Variants in AGBL1 observed in about 807,000 individuals in gnomAD.
AGBL1 encodes the protein cytosolic carboxypeptidase 4.
Under a neutral mutation model 118.9 loss-of-function variants are expected in AGBL1, and 130 were observed. The observed-to-expected ratio is 1.09, with a 90% CI of 0.95 to 1.26. AGBL1 has a LOEUF of 1.26. Among genes scored for constraint, AGBL1 ranks in the 50% most tolerant of loss-of-function variants. The probability of loss-of-function intolerance (pLI) is 0.00; values close to 1 mark genes in which losing one functional copy is unlikely to be tolerated. For synonymous variants in AGBL1, 555 were observed against 478.9 expected, an observed-to-expected ratio of 1.16 and a Z score of -2.08; for missense variants, 1,584 against 1,298.1, an observed-to-expected ratio of 1.22 and a Z score of -3.38.
chr15:86,232,661 G>C (rs891064448), intron 6 of AGBL1, among the ~76,000 whole-genome samples: 1 of 152,144 alleles, frequency 6.6e-6, no homozygotes, highest in East Asian at 1.9e-4. Flanking sequence ...GAGGGCAGGA[G>C]CACCCGGAGC....
chr15:86,400,490 GT>G (rs11412401), intron 18 of AGBL1, among the ~76,000 whole-genome samples: 6,546 of 143,188 alleles, frequency 0.046, 212 homozygotes, highest in East Asian at 0.16. Flanking sequence ...GGGGGAACAG[GT>G]TTTTTTTTTT....
intron 22 of AGBL1, among the ~76,000 whole-genome samples, chr15:86,815,354 T>C (rs1020242288): frequency 2.6e-5 from 4 of 152,162 alleles, no homozygotes; most frequent in Admixed American, 6.6e-5. Flanking sequence ...ATTTATAGGG[T>C]CCACCACCAA....
At chr15:86,584,875 T>C (rs2084223702) in intron 21 of AGBL1, among the ~76,000 whole-genome samples, 1 of 152,238 alleles carries the variant, frequency 6.6e-6, no homozygotes, top group South Asian at 2.1e-4. Context: ...TGTTTTGTAG[T>C]TCTCCTTATA....
At chr15:86,141,298 A>C (rs1215759882) in intron 1 of AGBL1, among the ~76,000 whole-genome samples, 2 of 152,216 alleles carry the variant, frequency 1.3e-5, no homozygotes, top group African/African-American at 4.8e-5. Context: ...CATTCTTGTC[A>C]GTCAGGGAAG....
intron 23 of AGBL1, among the ~76,000 whole-genome samples, chr15:86,954,223 A>T (rs1243772841): frequency 6.6e-6 from 1 of 152,214 alleles, no homozygotes; most frequent in African/African-American, 2.4e-5. Context: ...CAACCACTAT[A>T]GAAAGCAGTT....
At chr15:86,492,835 C>T (rs139589801) in intron 18 of AGBL1, among the ~76,000 whole-genome samples, 111 of 152,026 alleles carry the variant, frequency 7.3e-4, no homozygotes, top group African/African-American at 2.2e-3. Context: ...AGTGGAGATG[C>T]GGTAGGACTA....
At chr15:86,098,081 A>T (rs1896491641) in intron 1 of AGBL1, among the ~76,000 whole-genome samples, 3 of 151,900 alleles carry the variant, frequency 2.0e-5, no homozygotes, top group Admixed American at 2.0e-4. Context: ...ATGCTGAGTA[A>T]TTTTTCATAT....
intron 22 of AGBL1, among the ~76,000 whole-genome samples, chr15:86,891,626 A>C (rs1207920386): frequency 6.6e-6 from 1 of 152,000 alleles, no homozygotes; most frequent in Non-Finnish European, 1.5e-5. Flanking sequence ...TGAATGCTGA[A>C]ACAATAGTAG....
At chr15:86,222,108 G>A (rs2078289731) in intron 5 of AGBL1, among the ~76,000 whole-genome samples, 1 of 151,930 alleles carries the variant, frequency 6.6e-6, no homozygotes, top group Admixed American at 6.6e-5. Flanking sequence ...TGTCTTCCTG[G>A]GGCAGCCCTC....
chr15:86,162,426 T>C (rs550928256), intron 5 of AGBL1, among the ~76,000 whole-genome samples: 1 of 152,244 alleles, frequency 6.6e-6, no homozygotes, highest in South Asian at 2.1e-4. Flanking sequence ...TGTCTCCAGA[T>C]AGTACTCAGG....
intron 2 of AGBL1, among the ~76,000 whole-genome samples, chr15:86,142,449 C>T (rs2076976715): frequency 6.6e-6 from 1 of 152,150 alleles, no homozygotes; most frequent in African/African-American, 2.4e-5. Flanking sequence ...AGCATGTAAG[C>T]ATCACGTTTT....
intron 22 of AGBL1, among the ~76,000 whole-genome samples, chr15:86,817,556 GGAGA>G (rs1289786556): frequency 1.0e-5 from 1 of 95,254 alleles, no homozygotes; most frequent in Non-Finnish European, 2.1e-5. Context: ...GACACACAGA[GGAGA>G]GAGAGAAAGA....
rs181231931 is a variant in AGBL1, at chr15:86,670,375, A to G, written c.2995-3898A>G. ...TCTCAGCACTTTGGGAGGCTGAGGC[A>G]GGCAGATCACCTGAGGTCAGGAGTT... On this transcript the variant is annotated intron_variant, in intron 21 of 22. Coordinates refer to ENST00000614907, the MANE Select transcript of AGBL1 (RefSeq NM_001386094.1). 6.7e-3 allele frequency among the ~76,000 whole-genome samples: 1,016 copies of G among 152,040 alleles called. 8 individuals carry two copies. Among genetic ancestry groups the G allele is most frequent in the East Asian group, 0.021 (106 of 5,112 alleles).
intron 22 of AGBL1, among the ~76,000 whole-genome samples, chr15:86,898,290 G>A (rs907487201): frequency 1.3e-5 from 2 of 152,096 alleles, no homozygotes; most frequent in African/African-American, 4.8e-5. Flanking sequence ...CCTGTGTCCA[G>A]GATGGTATTA....
At chr15:86,447,889 A>G (rs1449565356) in intron 18 of AGBL1, among the ~76,000 whole-genome samples, 1 of 152,250 alleles carries the variant, frequency 6.6e-6, no homozygotes, top group African/African-American at 2.4e-5. Flanking sequence ...TCATGCCTAT[A>G]ATCCCAGCAC....
At position 86,910,448 on chromosome 15, in the gene AGBL1, G is replaced by C. The variant is rs951445881; in HGVS notation, c.*3154G>C. The stretch of plus-strand genomic sequence containing the variant: ...GCTGAATTTAATTCTGAATGTAATG[G>C]GGGAGACTTAAAGAGCTTTCAGCAG... On this transcript the variant is annotated 3_prime_UTR_variant, in exon 23 of 23. Transcript: ENST00000614907. The C allele has an allele frequency of 6.6e-6, 1 of 152,124 alleles. No individual in the cohort carries two copies. Among genetic ancestry groups the C allele is most frequent in the African/African-American group, 2.4e-5 (1 of 41,426 alleles). 9.4% of individuals were successfully genotyped at this position (152,124 alleles called of 1,614,324 possible). A position where few individuals can be genotyped will look rare whatever the true frequency, so the allele number is the denominator to read the frequency against.
At chr15:86,980,567 C>A (rs576620688) in intron 23 of AGBL1, among the ~76,000 whole-genome samples, 5 of 152,236 alleles carry the variant, frequency 3.3e-5, no homozygotes, top group Non-Finnish European at 5.9e-5. Flanking sequence ...AAACTTCTCT[C>A]CTAGGTTGTG....
At chr15:86,895,078 T>TTTC (rs1359995302) in intron 22 of AGBL1, among the ~76,000 whole-genome samples, 1 of 152,096 alleles carries the variant, frequency 6.6e-6, no homozygotes, top group Non-Finnish European at 1.5e-5. Flanking sequence ...CCTCCTTCCC[T>TTTC]TTCTTTTATC....
chr15:86,726,515 C>A (rs758951715), intron 22 of AGBL1, among the ~76,000 whole-genome samples: 1 of 152,146 alleles, frequency 6.6e-6, no homozygotes, highest in East Asian at 1.9e-4. Flanking sequence ...AGATAATATG[C>A]ATAGTGTTTG....
Sources: allele counts gnomAD v4.1 joint callset (sites outside exome capture counted in the v4.1 genomes callset), GRCh38; gene constraint gnomAD v4.1.1; transcripts MANE v1.5; gene names NCBI Gene and HGNC (gene_info 2026-07-23, HGNC 2026-07-21).